Variants in RASAL2 observed in about 807,000 individuals in gnomAD.
RASAL2 encodes ras GTPase-activating protein nGAP.
A neutral mutation model predicts 128.9 loss-of-function variants in RASAL2; 58 were observed. That is an observed-to-expected ratio of 0.45 (90% CI 0.36 to 0.56). The LOEUF is 0.56. Among genes scored for constraint, RASAL2 ranks in the 20% least tolerant of loss-of-function variants. The pLI is 0.00. For synonymous variants in RASAL2, 561 were observed against 580.8 expected, an observed-to-expected ratio of 0.97 and a Z score of 0.49; for missense variants, 1,360 against 1,601.6, an observed-to-expected ratio of 0.85 and a Z score of 2.57.
At chr1:178,140,343 A>G (rs1660480396) in intron 1 of RASAL2, among the ~76,000 whole-genome samples, 1 of 152,164 alleles carries the variant, frequency 6.6e-6, no homozygotes. Flanking sequence ...ATGCGTTATC[A>G]GTTTACATTA....
intron 1 of RASAL2, among the ~76,000 whole-genome samples, chr1:178,264,188 G>T (rs775903371): frequency 6.6e-6 from 1 of 152,136 alleles, no homozygotes; most frequent in East Asian, 1.9e-4. Flanking sequence ...GTTCTGCGAG[G>T]ATTTAAATGA....
intron 3 of RASAL2, chr1:178,341,371 C>A: frequency 7.6e-7 from 1 of 1,314,826 alleles, no homozygotes; most frequent in Non-Finnish European, 9.8e-7. Context: ...TTGTTTAGTG[C>A]TCTCTAGCAA....
chr1:178,232,765 G>A (rs1468039398), intron 1 of RASAL2, among the ~76,000 whole-genome samples: 1 of 152,094 alleles, frequency 6.6e-6, no homozygotes, highest in Non-Finnish European at 1.5e-5. Context: ...AAACTCTTCT[G>A]AAGAGTTGTC....
intron 3 of RASAL2, among the ~76,000 whole-genome samples, chr1:178,368,035 T>C (rs1390008967): frequency 6.6e-6 from 1 of 152,238 alleles, no homozygotes; most frequent in Non-Finnish European, 1.5e-5. Context: ...GTTTTTGTGC[T>C]ATAACAGTGG....
At chr1:178,336,029 C>G (rs749002555) in intron 3 of RASAL2, among the ~76,000 whole-genome samples, 7 of 152,006 alleles carry the variant, frequency 4.6e-5, no homozygotes, top group Non-Finnish European at 8.8e-5. Flanking sequence ...TGAATTCTGG[C>G]TCTACCACTT....
At chr1:178,320,052 C>T (rs1487545409) in intron 3 of RASAL2, among the ~76,000 whole-genome samples, 56 of 151,776 alleles carry the variant, frequency 3.7e-4, no homozygotes, top group East Asian at 1.7e-3. Context: ...AATACCCTGC[C>T]ATGTGAGGTG....
At chr1:178,287,325 A>G (rs748086136) in intron 2 of RASAL2, among the ~76,000 whole-genome samples, 2 of 151,832 alleles carry the variant, frequency 1.3e-5, no homozygotes, top group Non-Finnish European at 1.5e-5. Context: ...TTCCCACTTC[A>G]GTTACTGTCC....
At chr1:178,354,675 C>T (rs918620938) in intron 3 of RASAL2, among the ~76,000 whole-genome samples, 1 of 152,026 alleles carries the variant, frequency 6.6e-6, no homozygotes, top group Non-Finnish European at 1.5e-5. Context: ...CATAGATCAA[C>T]AATAAACTGA....
At chr1:178,120,021 C>G (rs1234963064) in intron 1 of RASAL2, among the ~76,000 whole-genome samples, 8 of 152,212 alleles carry the variant, frequency 5.3e-5, no homozygotes, top group African/African-American at 1.7e-4. Context: ...GCTCTCAGTG[C>G]AGACACATTT....
At chr1:178,096,093 T>C (rs1298093022) in intron 1 of RASAL2, among the ~76,000 whole-genome samples, 1 of 152,230 alleles carries the variant, frequency 6.6e-6, no homozygotes, top group Non-Finnish European at 1.5e-5. Flanking sequence ...TTAAAAACTT[T>C]GGTGCCTGAT....
intron 1 of RASAL2, among the ~76,000 whole-genome samples, chr1:178,097,608 C>T (rs1658739931): frequency 6.6e-6 from 1 of 152,120 alleles, no homozygotes; most frequent in African/African-American, 2.4e-5. Flanking sequence ...CCTACATAGC[C>T]ATGTGGGTTC....
At chr1:178,399,331 A>T (rs1388944036) in intron 4 of RASAL2, among the ~76,000 whole-genome samples, 1 of 136,620 alleles carries the variant, frequency 7.3e-6, no homozygotes, top group African/African-American at 2.7e-5. Context: ...ATCTCCAGGG[A>T]TGTCTTACAG....
At chr1:178,374,735 A>G (rs1045919918) in intron 3 of RASAL2, among the ~76,000 whole-genome samples, 1 of 152,102 alleles carries the variant, frequency 6.6e-6, no homozygotes, top group Non-Finnish European at 1.5e-5. Context: ...CTCCCTTCCA[A>G]CCAAATTGAT....
intron 3 of RASAL2, among the ~76,000 whole-genome samples, chr1:178,385,194 T>C (rs188016867): frequency 9.5e-4 from 145 of 151,964 alleles, no homozygotes; most frequent in African/African-American, 3.5e-3. Flanking sequence ...GGCTCAAGCC[T>C]GTAACCCTAG....
intron 1 of RASAL2, among the ~76,000 whole-genome samples, chr1:178,128,363 C>T (rs1390383969): frequency 6.6e-6 from 1 of 152,016 alleles, no homozygotes; most frequent in African/African-American, 2.4e-5. Flanking sequence ...TCTCAGTTCC[C>T]TGGTTTGTGA....
intron 3 of RASAL2, among the ~76,000 whole-genome samples, chr1:178,326,080 A>C (rs1571862644): frequency 6.6e-6 from 1 of 152,186 alleles, no homozygotes. Flanking sequence ...ATGCTACTGC[A>C]CTCCAGCCTG....
At position 178,373,015 on chromosome 1, in the gene RASAL2, A is replaced by T. The variant is rs74131332; in HGVS notation, c.458-17085A>T. On this transcript the variant is annotated intron_variant, in intron 3 of 17. Coordinates refer to ENST00000367649, the MANE Select transcript of RASAL2 (RefSeq NM_170692.4). ...TGTGAATACTTTCCCTAGATTAATT[A>T]TAGCCTTCAAATTTATCTTTCTTAT... is the stretch of plus-strand genomic sequence containing the variant. 5.5e-3 allele frequency among the ~76,000 whole-genome samples: 842 copies of T among 152,244 alleles called. 11 individuals are homozygous for T. The highest frequency in any genetic ancestry group is 0.019 in the African/African-American group (787 of 41,562).
At chr1:178,412,570 T>C (rs1008818645) in intron 4 of RASAL2, among the ~76,000 whole-genome samples, 2 of 152,236 alleles carry the variant, frequency 1.3e-5, no homozygotes, top group Non-Finnish European at 2.9e-5. Context: ...TGTGCAATCT[T>C]AACCTTTTCC....
At chr1:178,334,331 C>T (rs920551085) in intron 3 of RASAL2, among the ~76,000 whole-genome samples, 1 of 151,112 alleles carries the variant, frequency 6.6e-6, no homozygotes, top group Admixed American at 6.6e-5. Flanking sequence ...TCATTTATTG[C>T]AACTTTTTTT....
Sources: allele counts gnomAD v4.1 joint callset (sites outside exome capture counted in the v4.1 genomes callset), GRCh38; gene constraint gnomAD v4.1.1; transcripts MANE v1.5; gene names NCBI Gene and HGNC (gene_info 2026-07-23, HGNC 2026-07-21).